KIF22: variants seen among roughly 807,000 people sequenced by gnomAD.
KIF22 encodes kinesin-like protein KIF22.
In KIF22, 62 loss-of-function variants were observed where a neutral mutation model predicts 73.0. That is an observed-to-expected ratio of 0.85 (90% CI 0.69 to 1.05). The LOEUF (loss-of-function observed/expected upper bound fraction) is 1.05. Ranked by LOEUF, KIF22 falls within the 50% of genes least tolerant of loss-of-function variation. The pLI, the probability that KIF22 is intolerant of heterozygous loss-of-function variation, is 0.00. For missense variants in KIF22, 854 were observed against 870.1 expected, an observed-to-expected ratio of 0.98 and a Z score of 0.23; for synonymous variants, 411 against 340.1, an observed-to-expected ratio of 1.21 and a Z score of -2.29.
chr16:29,799,737 A>T lies in KIF22; in HGVS notation c.1100A>T (p.Glu367Val), dbSNP rs1232034961. The change falls in exon 7 of 14, where the codon GAG becomes GTG. Residue 367 changes from glutamate to valine, a missense_variant. Physicochemically the swap from Glu to Val is moderately radical, Grantham distance 121 (BLOSUM62 -2). Around this residue, in one of 3 missense-constraint regions of KIF22, gnomAD observed 245 missense variants for 351.8 expected, o/e 0.70. Transcript: ENST00000160827. ...CTCAACTTTGCTGCCAGGTCCAAGG[A>T]GGTGATCAATCGGCCTTTTACCAAT... ...SALNFAARSK[E>V]VINRPFTNES... 1 of 1,613,288 alleles carries T rather than the reference A, an allele frequency of 6.2e-7. No individual in the cohort carries two copies.
At chr16:29,803,718 G>C (rs1899228165) in intron 10 of KIF22, 110 bp downstream of exon 10, 2 of 953,404 alleles carry the variant, frequency 2.1e-6, no homozygotes, top group South Asian at 1.6e-5. Context: ...CCACATACCA[G>C]TCCCAGGGAG....
In KIF22 at chr16:29,790,798, G is replaced by A; in HGVS notation, c.39G>A (p.Glu13=). The A allele has an allele frequency of 3.1e-6, 5 of 1,604,782 alleles. No homozygotes were observed. Among genetic ancestry groups the A allele is most frequent in the Non-Finnish European group, 4.3e-6 (5 of 1,175,866 alleles). Residue 13 remains glutamate, a synonymous_variant, in exon 1 of 14, where the codon GAG becomes GAA. Transcript: ENST00000160827. ...AGGSTQQRRR[E]MAAASAAAIS... The stretch of plus-strand genomic sequence containing the variant: ...GCTCGACGCAGCAGAGGCGACGCGA[G>A]ATGGCGGCAGCTTCAGCGGCGGCGA...
intron 8 of KIF22, among the ~76,000 whole-genome samples, chr16:29,801,353 TAAAG>T (rs544579095): frequency 2.6e-4 from 39 of 152,090 alleles, no homozygotes; most frequent in Admixed American, 4.6e-4. Context: ...CTAGCCCAAA[TAAAG>T]CCTGTGAACT....
At chr16:29,795,859 T>C (rs1237183473) in intron 1 of KIF22, among the ~76,000 whole-genome samples, 1 of 152,036 alleles carries the variant, frequency 6.6e-6, no homozygotes, top group Non-Finnish European at 1.5e-5. Context: ...ATGTCGGTGG[T>C]TTTTGCAGAA....
At chr16:29,796,451 A>T (rs965411171) in intron 1 of KIF22, among the ~76,000 whole-genome samples, 2 of 151,448 alleles carry the variant, frequency 1.3e-5, no homozygotes, top group Non-Finnish European at 2.9e-5. Context: ...GCTCCTGCCT[A>T]TAATTCCAGC....
At chr16:29,795,492 C>T (rs1373361738) in intron 1 of KIF22, among the ~76,000 whole-genome samples, 1 of 152,166 alleles carries the variant, frequency 6.6e-6, no homozygotes, top group African/African-American at 2.4e-5. Flanking sequence ...CAGCTGCTAC[C>T]ACCAGCAAGG....
At position 29,802,934 on chromosome 16, in the gene KIF22, T is replaced by C. The variant is rs764267174; in HGVS notation, c.1446T>C (p.Ile482=). The part of the protein sequence containing the change: ...MKTVEEKDLE[I]ERLKTKQKEL... ...CAGTGGAAGAGAAGGACCTAGAGAT[T>C]GAGGTACGTGTTTTAGGGATGTGGG... Residue 482 remains isoleucine (I), a synonymous_variant, in exon 9 of 14, where the codon ATT becomes ATC. Transcript: ENST00000160827. The C allele has an allele frequency of 1.9e-6, 3 of 1,611,446 alleles. No individual in the cohort carries two copies. The highest frequency in any genetic ancestry group is 2.5e-6 in the Non-Finnish European group (3 of 1,179,056).
At chr16:29,804,273 C>T (rs1899259161) in intron 11 of KIF22, 1 of 616,420 alleles carries the variant, frequency 1.6e-6, no homozygotes, top group Non-Finnish European at 2.9e-6. Context: ...GTGGATGTAC[C>T]TCGCAGAGCG....
intron 1 of KIF22, among the ~76,000 whole-genome samples, chr16:29,793,857 G>A (rs1327385909): frequency 6.6e-6 from 1 of 152,078 alleles, no homozygotes; most frequent in East Asian, 1.9e-4. Context: ...GAAGGTGGGG[G>A]GCATGGAAAT....
intron 10 of KIF22, 111 bp from the exon 11 acceptor site, chr16:29,803,887 A>T: frequency 2.4e-6 from 2 of 848,070 alleles, no homozygotes; most frequent in Non-Finnish European, 4.0e-6. Flanking sequence ...ACAACAGGTT[A>T]ACTCTGGATG....
Position 29,802,899 on chromosome 16 carries a change from C to G in KIF22, c.1411C>G (p.Leu471Val). 1 of 1,612,352 alleles carries G rather than the reference C, an allele frequency of 6.2e-7. No homozygotes were observed. The highest frequency in any genetic ancestry group is 8.5e-7 in the Non-Finnish European group (1 of 1,179,446). The part of the protein sequence containing the change: ...LSTPKRERMV[L>V]MKTVEEKDLE... ...TACCCCAAAGCGAGAGCGGATGGTG[C>G]TAATGAAGACAGTGGAAGAGAAGGA... Residue 471 changes from leucine (L) to valine (V), a missense_variant, in exon 9 of 14, where the codon CTA (leucine) becomes GTA (valine). Transcript: ENST00000160827.
At position 29,802,751 on chromosome 16, in the gene KIF22, ACTT is replaced by A. The variant is rs1899184451; in HGVS notation, c.1281-14_1281-12del. 4.6e-6 allele frequency: 7 copies of A among 1,536,094 alleles called. No individual in the cohort carries two copies. Among genetic ancestry groups the A allele is most frequent in the Admixed American group, 2.3e-5 (1 of 43,118 alleles). ...TGAGGGAGGAGGTAGGTGGGGAGCAACTTCTTTTTCTGCTCAGCCCCCTACAGA... is the reference window on the plus strand; with the variant it reads ...TGAGGGAGGAGGTAGGTGGGGAGCAACTTTTTCTGCTCAGCCCCCTACAGA... On this transcript the variant is annotated splice_polypyrimidine_tract_variant and intron_variant, in intron 8 of 13. Coordinates refer to ENST00000160827, the MANE Select transcript of KIF22 (RefSeq NM_007317.3).
intron 11 of KIF22, 124 bp downstream of exon 11, chr16:29,804,189 A>T (rs199973783): frequency 1.3e-6 from 1 of 765,044 alleles, no homozygotes; most frequent in East Asian, 2.6e-5. Context: ...CTACTAACAG[A>T]CCTCAACTTG....
chr16:29,798,453 C>G lies in KIF22; in HGVS notation c.346C>G (p.Leu116Val), dbSNP rs1439049544. The G allele has an allele frequency of 6.2e-7, 1 of 1,614,146 alleles. No individual in the cohort carries two copies. Among genetic ancestry groups the G allele is most frequent in the Non-Finnish European group, 8.5e-7 (1 of 1,180,028 alleles). ...GSVQPILRHLLEGQNASVLAY... is the reference protein window; with the variant it reads ...GSVQPILRHLVEGQNASVLAY... ...AGTGCAGCCCATCCTAAGGCACTTG[C>G]TGGAAGGGCAGAATGCCAGTGTGCT... Residue 116 changes from leucine to valine, a missense_variant, in exon 3 of 14, where the codon CTG (leucine) becomes GTG (valine). Physicochemically the swap from Leu to Val is conservative, Grantham distance 32. Transcript: ENST00000160827. This position sits in a 1 kb window ranked among gnomAD's most constrained non-coding sequence, Gnocchi z 4.1.
At chr16:29,803,902 G>A (rs1386939676) in intron 10 of KIF22, 96 bp from the exon 11 acceptor site, 6 of 937,106 alleles carry the variant, frequency 6.4e-6, no homozygotes, top group Non-Finnish European at 1.1e-5. Context: ...TGGATGGAGG[G>A]GAGCTGGGGA....
intron 11 of KIF22, 198 bp from the exon 12 acceptor site, chr16:29,804,616 G>A (rs1046599574): frequency 4.3e-6 from 3 of 697,960 alleles, no homozygotes; most frequent in East Asian, 2.7e-5. Flanking sequence ...ACTGGGTACT[G>A]AGTAGTACCT....
chr16:29,805,211 G>T (rs776664802), intron 13 of KIF22, 37 bp downstream of exon 13: 1 of 1,614,058 alleles, frequency 6.2e-7, no homozygotes, highest in Non-Finnish European at 8.5e-7. Flanking sequence ...TGCCTGTCCT[G>T]CGCCCCGCGC....
chr16:29,798,755 C>T lies in KIF22; in HGVS notation c.549+8C>T. ...GAGATCTACCAGGAGAAGGTGAGGC[C>T]CCGTGCTGGTTGGGAGAGGAGCAAC... On this transcript the variant is annotated splice_region_variant and intron_variant, in intron 4 of 13. Coordinates refer to ENST00000160827, the MANE Select transcript of KIF22 (RefSeq NM_007317.3). This position sits in a 1 kb window ranked among gnomAD's most constrained non-coding sequence, Gnocchi z 4.1. The T allele has an allele frequency of 6.2e-7, 1 of 1,612,694 alleles. No individual in the cohort carries two copies. The highest frequency in any genetic ancestry group is 8.5e-7 in the Non-Finnish European group (1 of 1,179,326).
In KIF22 at chr16:29,798,518, A is replaced by G; in HGVS notation, c.394+17A>G. 6.2e-7 allele frequency: 1 copy of G among 1,614,078 alleles called. No individual in the cohort carries two copies. Among genetic ancestry groups the G allele is most frequent in the Non-Finnish European group, 8.5e-7 (1 of 1,180,028 alleles). On this transcript the variant is annotated intron_variant, in intron 3 of 13. Transcript: ENST00000160827. The surrounding 1 kb of genome is among the most constrained non-coding windows in gnomAD (Gnocchi z 4.1). The stretch of plus-strand genomic sequence containing the variant: ...CAGGAGCTGGTGAGGGAGCCAGAAA[A>G]GAAACAGCTATGGGTCAGAAAGGGC...
Sources: gnomAD v4.1 joint callset for allele counts (sites outside exome capture counted in the v4.1 genomes callset) on GRCh38, gnomAD v4.1.1 for gene constraint, gnomAD v4.1.1 regional missense constraint, Gnocchi (gnomAD v3.1) non-coding constraint, MANE v1.5 for transcripts, NCBI Gene and HGNC (gene_info 2026-07-23, HGNC 2026-07-21) for gene names.